Variants in HAP1 observed in about 807,000 individuals in gnomAD.
The protein encoded by HAP1 is huntingtin associated protein 1, also known as huntingtin-associated protein 1.
Under a neutral mutation model 60.3 loss-of-function variants are expected in HAP1, and 59 were observed. The ratio of observed to expected loss-of-function variants is 0.98; its 90% CI spans 0.79 to 1.22. The LOEUF is 1.22. Among genes scored for constraint, HAP1 ranks in the 50% most tolerant of loss-of-function variants. The pLI, the probability that HAP1 is intolerant of heterozygous loss-of-function variation, is 0.00. For missense variants in HAP1, 825 were observed against 785.3 expected, an observed-to-expected ratio of 1.05 and a Z score of -0.60; for synonymous variants, 346 against 330.6, an observed-to-expected ratio of 1.05 and a Z score of -0.50.
chr17:41,718,735 C>A (rs1185581927), downstream of HAP1, among the ~76,000 whole-genome samples: 1 of 152,188 alleles, frequency 6.6e-6, no homozygotes, highest in Admixed American at 6.5e-5. Context: ...GGAAAACGTC[C>A]TACGTAAATG....
chr17:41,731,422 T>A, intron 6 of HAP1, 71 bp downstream of exon 6: 1 of 1,044,540 alleles, frequency 9.6e-7, no homozygotes, highest in Non-Finnish European at 1.5e-6. Context: ...TGGATCTCCA[T>A]ACTCCACATC....
At chr17:41,717,749 T>G (rs1911036147), downstream of HAP1, 1 of 277,144 alleles carries the variant, frequency 3.6e-6, no homozygotes, top group Non-Finnish European at 7.8e-6. Context: ...TTGTTTTGTT[T>G]GCCAGTTTAT....
intron 7 of HAP1, 78 bp downstream of exon 7, chr17:41,728,123 A>G: frequency 1.3e-6 from 2 of 1,525,686 alleles, no homozygotes; most frequent in Non-Finnish European, 1.8e-6. Flanking sequence ...GGCCTGGTGG[A>G]GCCGAGTGGA....
intron 9 of HAP1, 129 bp from the exon 10 acceptor site, chr17:41,726,026 T>C (rs1911599979): frequency 1.4e-6 from 1 of 717,254 alleles, no homozygotes; most frequent in Non-Finnish European, 2.5e-6. Context: ...TCCCAGCACT[T>C]TGGGAGGCCG....
At position 41,725,844 on chromosome 17, in the gene HAP1, C is replaced by A. The variant is rs1230683981; in HGVS notation, c.1406+15G>T. 6.2e-7 allele frequency: 1 copy of A among 1,608,042 alleles called. No homozygotes were observed. The highest frequency in any genetic ancestry group is 1.1e-5 in the South Asian group (1 of 90,970). On this transcript the variant is annotated intron_variant, in intron 10 of 10. Coordinates refer to ENST00000347901, the MANE Select transcript of HAP1 (RefSeq NM_177977.3). ...AGCTGAGGGCAGGTTGTAGGGGAGC[C>A]CCTGGCAGGCTTACCTTAGGCTGGA...
chr17:41,730,915 CTTT>C (rs11314342), intron 6 of HAP1, among the ~76,000 whole-genome samples: 2 of 145,642 alleles, frequency 1.4e-5, no homozygotes, highest in African/African-American at 2.5e-5. Flanking sequence ...GGAGACCCAC[CTTT>C]TTTTTTTTTT....
chr17:41,718,183 C>T (rs1305620056), downstream of HAP1: 1 of 291,188 alleles, frequency 3.4e-6, no homozygotes, highest in South Asian at 2.8e-5. Flanking sequence ...TGAACGCGCC[C>T]GATCTTGTCT....
chr17:41,725,176 CT>C (rs1911533525), intron 10 of HAP1, 22 bp from the exon 11 acceptor site: 1 of 1,545,398 alleles, frequency 6.5e-7, no homozygotes, highest in African/African-American at 1.4e-5. Context: ...ATAGCGACAT[CT>C]TTTGAGGGGC....
chr17:41,730,906 G>A (rs868927389), intron 6 of HAP1, among the ~76,000 whole-genome samples: 1 of 108,808 alleles, frequency 9.2e-6, no homozygotes, highest in Non-Finnish European at 1.8e-5. Context: ...AGGCTTGGAG[G>A]AGACCCACCT....
chr17:41,719,246 G>A (rs1391411213), downstream of HAP1, among the ~76,000 whole-genome samples: 5 of 152,094 alleles, frequency 3.3e-5, no homozygotes, highest in Non-Finnish European at 5.9e-5. Context: ...CCAAAGTGCT[G>A]GGATTCTCTA....
chr17:41,731,956 G>C lies in HAP1; in HGVS notation c.877C>G (p.Pro293Ala), dbSNP rs1912237221. Residue 293 changes from proline (P) to alanine (A), a missense_variant, in exon 4 of 11, where the codon CCC (proline) becomes GCC (alanine). Pro to Ala is a conservative substitution (Grantham distance 27). Transcript: ENST00000347901. ...EAEEDLQCAH[P>A]CDAPKLISQE... ...ACTCACAGCTTAGGGGCATCACAGGGATGAGCACACTGCAGGTCTTCCTCT... is the reference window on the plus strand; with the variant it reads ...ACTCACAGCTTAGGGGCATCACAGGCATGAGCACACTGCAGGTCTTCCTCT... The C allele has an allele frequency of 2.1e-6, 2 of 959,560 alleles. No individual in the cohort carries two copies. Among genetic ancestry groups the C allele is most frequent in the South Asian group, 1.4e-5 (1 of 73,626 alleles). The allele number at this position is 959,560 out of a possible 1,614,324, so 59.4% of individuals were successfully genotyped here. A position where few individuals can be genotyped will look rare whatever the true frequency, so the allele number is the denominator to read the frequency against.
At chr17:41,727,172 G>C in intron 8 of HAP1, 28 bp from the exon 9 acceptor site, 1 of 1,254,646 alleles carries the variant, frequency 8.0e-7, no homozygotes. Context: ...GACGTTACCA[G>C]AGGACCCCCA....
In HAP1 at chr17:41,725,873, G is replaced by C; in HGVS notation, c.1392C>G (p.Asp464Glu). ...MERNYEMPRG[D>E]TSSLRYDFRY... ...GGCAGGCTTACCTTAGGCTGGATGT[G>C]TCCCCTCTGGGCATCTCATAATTCC... Residue 464 changes from aspartate to glutamate, a missense_variant, in exon 10 of 11, where the codon GAC becomes GAG. Physicochemically the swap from Asp to Glu is conservative, Grantham distance 45. Coordinates refer to ENST00000347901, the MANE Select transcript of HAP1 (RefSeq NM_177977.3). 1 of 1,612,936 alleles carries C rather than the reference G, an allele frequency of 6.2e-7. No individual in the cohort carries two copies.
chr17:41,733,014 TTTTAGGTTTTTGGG>T lies in HAP1; in HGVS notation c.470-230_470-217del, dbSNP rs532062384. ...GCTCCCAGGGCCAAGTGGACAGGGT[TTTTAGGTTTTTGGG>T]TTTTTTTTGGTTTTTTTTTTTTTTG... On this transcript the variant is annotated intron_variant, in intron 1 of 10. Transcript: ENST00000347901. Among the ~76,000 whole-genome samples, 1,399 of 141,716 alleles carry T rather than the reference TTTTAGGTTTTTGGG, an allele frequency of 9.9e-3. 21 individuals carry two copies. Among genetic ancestry groups the T allele is most frequent in the African/African-American group, 0.034 (1,294 of 37,586 alleles). 93.0% of individuals were successfully genotyped at this position (141,716 alleles called of 152,430 possible). A position where few individuals can be genotyped will look rare whatever the true frequency, so the allele number is the denominator to read the frequency against.
Position 41,724,428 on chromosome 17 carries a change from C to T in HAP1, c.*273G>A, listed in dbSNP as rs4461125. ...GGATAGAGGAGGCAGGGGTTGGGGG[C>T]AGGGGAAGCAAGCGGGCAGAGATGG... On this transcript the variant is annotated 3_prime_UTR_variant, in exon 11 of 11. Coordinates refer to ENST00000347901, the MANE Select transcript of HAP1 (RefSeq NM_177977.3). 324,810 of 398,388 alleles carry T rather than the reference C, an allele frequency of 0.82. 134,788 individuals are homozygous for T. The highest frequency in any genetic ancestry group is 0.9 in the Middle Eastern group (1,285 of 1,426). The allele number at this position is 398,388 out of a possible 1,614,324, so 24.7% of individuals were successfully genotyped here.
At chr17:41,728,817 G>A (rs1555589711) in intron 6 of HAP1, among the ~76,000 whole-genome samples, 1 of 152,188 alleles carries the variant, frequency 6.6e-6, no homozygotes, top group East Asian at 1.9e-4. Context: ...GGGACGGGGA[G>A]GGCCCAGAAC....
At chr17:41,729,852 G>A (rs1444276849) in intron 6 of HAP1, among the ~76,000 whole-genome samples, 2 of 123,752 alleles carry the variant, frequency 1.6e-5, no homozygotes, top group East Asian at 2.4e-4. Flanking sequence ...CTAGCTGGGC[G>A]ACAGTGAGAC....
At chr17:41,728,838 G>A (rs1555589719) in intron 6 of HAP1, among the ~76,000 whole-genome samples, 1 of 152,174 alleles carries the variant, frequency 6.6e-6, no homozygotes, top group Non-Finnish European at 1.5e-5. Context: ...AGTGCACACA[G>A]GCCAGACCAC....
downstream of HAP1, among the ~76,000 whole-genome samples, chr17:41,718,460 C>T (rs187510531): frequency 2.0e-3 from 310 of 152,280 alleles, 1 homozygote; most frequent in Middle Eastern, 0.017. Context: ...GACCCACATC[C>T]GGCAGTCACA....
Sources: gnomAD v4.1 joint callset for allele counts (sites outside exome capture counted in the v4.1 genomes callset) on GRCh38, gnomAD v4.1.1 for gene constraint, MANE v1.5 for transcripts, NCBI Gene and HGNC (gene_info 2026-07-23, HGNC 2026-07-21) for gene names.